The following CTDP1 variants were observed in gnomAD, a reference collection of about 807,000 sequenced individuals.
CTDP1 encodes the protein CTD phosphatase 1, also known as RNA polymerase II subunit A C-terminal domain phosphatase.
Under a neutral mutation model 91.8 loss-of-function variants are expected in CTDP1, and 47 were observed. That is an observed-to-expected ratio of 0.51 (90% CI 0.41 to 0.65). The LOEUF is 0.65. Ranked by LOEUF, CTDP1 falls within the 30% of genes least tolerant of loss-of-function variation. The pLI, the probability that CTDP1 is intolerant of heterozygous loss-of-function variation, is 0.00. For synonymous variants in CTDP1, 656 were observed against 598.5 expected (o/e 1.10, Z -1.40); for missense variants, 1,272 against 1,373.7 (o/e 0.93, Z 1.17).
chr18:79,751,788 GC>G (rs1220478784), intron 12 of CTDP1, among the ~76,000 whole-genome samples: 1 of 152,144 alleles, frequency 6.6e-6, no homozygotes, highest in Non-Finnish European at 1.5e-5. Context: ...TGTGTGTGTG[GC>G]TGTATCACAC....
intron 12 of CTDP1, among the ~76,000 whole-genome samples, chr18:79,738,135 C>T (rs1330512703): frequency 3.9e-5 from 6 of 152,012 alleles, no homozygotes; most frequent in Admixed American, 3.3e-4. Flanking sequence ...CCTGAGAAAG[C>T]GTCTGTCCTG....
chr18:79,677,079 G>T (rs1186799558), upstream of CTDP1, among the ~76,000 whole-genome samples: 1 of 152,202 alleles, frequency 6.6e-6, no homozygotes, highest in African/African-American at 2.4e-5. Flanking sequence ...CCATTTTACA[G>T]AATTATTTTT....
chr18:79,718,083 T>C, intron 10 of CTDP1, 67 bp downstream of exon 10: 2 of 1,575,220 alleles, frequency 1.3e-6, no homozygotes, highest in Non-Finnish European at 1.7e-6. Context: ...TCCAGTCTGT[T>C]GGGGGGATGG....
intron 11 of CTDP1, 21 bp downstream of exon 11, chr18:79,729,090 G>T: frequency 6.2e-7 from 1 of 1,612,036 alleles, no homozygotes; most frequent in Non-Finnish European, 8.5e-7. Flanking sequence ...CCCACGCCCC[G>T]GTGCCCGCGC....
rs574485384 is a variant in CTDP1, at chr18:79,717,752, CA to C, written c.2211-57del. The C allele has an allele frequency of 9.8e-5, 158 of 1,613,718 alleles. 1 individual carries two copies. The African/African-American group carries it at 2.0e-3, about 21-fold the overall frequency. On this transcript the variant is annotated intron_variant, in intron 9 of 12. Transcript: ENST00000613122. Reference sequence around the variant, plus strand: ...ACAGCTGTTGGTTCATGCACCTGGGCAGTGCCCCTCATCACCCGGACGCCCC... The same window carrying C: ...ACAGCTGTTGGTTCATGCACCTGGGCGTGCCCCTCATCACCCGGACGCCCC...
intron 1 of CTDP1, among the ~76,000 whole-genome samples, chr18:79,681,272 T>A (rs2122336499): frequency 6.6e-6 from 1 of 152,306 alleles, no homozygotes; most frequent in Admixed American, 6.5e-5. Context: ...TCCTTGACCC[T>A]CGGCACGGGC....
chr18:79,695,789 C>G (rs775702900), intron 2 of CTDP1, among the ~76,000 whole-genome samples, 188 bp from the exon 3 acceptor site: 2 of 152,216 alleles, frequency 1.3e-5, no homozygotes, highest in Non-Finnish European at 2.9e-5. Flanking sequence ...TGGCCACGAG[C>G]TCAGTGTTTC....
At chr18:79,743,459 G>A (rs1300279594) in intron 12 of CTDP1, among the ~76,000 whole-genome samples, 1 of 150,568 alleles carries the variant, frequency 6.6e-6, no homozygotes, top group Non-Finnish European at 1.5e-5. Flanking sequence ...CCAGGAGGTG[G>A]AGGTTGCGGT....
intron 12 of CTDP1, among the ~76,000 whole-genome samples, chr18:79,741,317 G>A (rs571096): frequency 0.39 from 59,442 of 152,124 alleles, 13,997 homozygotes; most frequent in Admixed American, 0.51. Context: ...TTTGGTGGCC[G>A]GAGGTGAATC....
At position 79,710,340 on chromosome 18, in the gene CTDP1, T is replaced by A. The variant is rs768763234; in HGVS notation, c.773-6T>A. On this transcript the variant is annotated splice_polypyrimidine_tract_variant and splice_region_variant and intron_variant, in intron 5 of 12. Coordinates refer to ENST00000613122, the MANE Select transcript of CTDP1 (RefSeq NM_004715.5). The stretch of plus-strand genomic sequence containing the variant: ...ATGTAATCTTTGTCCTGTTTTCTTT[T>A]CCAAGGCTTTTTAGACCCCGAGAAG... 7 of 1,612,426 alleles carry A rather than the reference T, an allele frequency of 4.3e-6. No individual in the cohort carries two copies. In the South Asian group the frequency reaches 7.7e-5, roughly 18 times the overall value.
chr18:79,725,718 C>G (rs1264243011), intron 10 of CTDP1, among the ~76,000 whole-genome samples: 1 of 152,082 alleles, frequency 6.6e-6, no homozygotes, highest in African/African-American at 2.4e-5. Flanking sequence ...CCCGACCTGA[C>G]CTGGAGTGTC....
At chr18:79,730,912 G>A (rs550302606) in intron 11 of CTDP1, among the ~76,000 whole-genome samples, 32 of 152,348 alleles carry the variant, frequency 2.1e-4, no homozygotes, top group Middle Eastern at 3.4e-3. Flanking sequence ...GAGCCGTGGC[G>A]CCTGGTTATT....
At chr18:79,730,819 G>T (rs1469116305) in intron 11 of CTDP1, among the ~76,000 whole-genome samples, 1 of 152,262 alleles carries the variant, frequency 6.6e-6, no homozygotes, top group African/African-American at 2.4e-5. Context: ...GATTCTCCCA[G>T]TGGACACCTG....
rs768834830 is a variant in CTDP1, at chr18:79,695,277, C to T, written c.367C>T (p.Leu123=). The T allele has an allele frequency of 1.2e-6, 2 of 1,614,140 alleles. No homozygotes were observed. Among genetic ancestry groups the T allele is most frequent in the South Asian group, 1.1e-5 (1 of 91,080 alleles). Residue 123 remains leucine, a synonymous_variant, in exon 2 of 13, where the codon CTG becomes TTG. Coordinates refer to ENST00000613122, the MANE Select transcript of CTDP1 (RefSeq NM_004715.5). ...CAGCCACCCGGTTGTCATGAAAGGC[C>T]TGTGTGCTGAATGTGGCCAAGACCT... ...GCSHPVVMKG[L]CAECGQDLTQ...
chr18:79,716,174 A>AT (rs1320479362), intron 8 of CTDP1, among the ~76,000 whole-genome samples: 4 of 152,336 alleles, frequency 2.6e-5, no homozygotes, highest in African/African-American at 9.6e-5. Flanking sequence ...TTTTCCGCGA[A>AT]TGAAGATTGC....
chr18:79,680,241 G>C lies in CTDP1; in HGVS notation c.294G>C (p.Pro98=), dbSNP rs187756055. The part of the protein sequence containing the change: ...AGVVRELCAQ[P]GQVVAPGAVL... ...TGGTGCGGGAGCTGTGCGCGCAGCCGGGCCAGGTGGTCGCCCCAGGGTGAG... is the reference window on the plus strand; with the variant it reads ...TGGTGCGGGAGCTGTGCGCGCAGCCCGGCCAGGTGGTCGCCCCAGGGTGAG... Residue 98 remains proline (P), a synonymous_variant, in exon 1 of 13, where the codon CCG becomes CCC. Transcript: ENST00000613122. The C allele has an allele frequency of 3.1e-6, 4 of 1,306,026 alleles. No homozygotes were observed. Among genetic ancestry groups the C allele is most frequent in the Non-Finnish European group, 3.9e-6 (4 of 1,032,224 alleles). 80.9% of individuals were successfully genotyped at this position (1,306,026 alleles called of 1,614,324 possible).
At chr18:79,692,225 G>A (rs578013902) in intron 1 of CTDP1, among the ~76,000 whole-genome samples, 4 of 152,140 alleles carry the variant, frequency 2.6e-5, no homozygotes, top group South Asian at 4.1e-4. Flanking sequence ...CTCTGCAGGC[G>A]TTTGTCAGCC....
intron 6 of CTDP1, among the ~76,000 whole-genome samples, chr18:79,710,701 T>C (rs2086064473): frequency 7.2e-6 from 1 of 138,260 alleles, no homozygotes; most frequent in Non-Finnish European, 1.6e-5. Context: ...TTTTTTTTTT[T>C]TTTTTTTTTT....
At chr18:79,694,716 A>G (rs1389857590) in intron 1 of CTDP1, among the ~76,000 whole-genome samples, 2 of 152,218 alleles carry the variant, frequency 1.3e-5, no homozygotes, top group Non-Finnish European at 2.9e-5. Context: ...CACTTCTTCC[A>G]TGGCTTCTGC....
Sources: gnomAD v4.1 joint callset for allele counts (sites outside exome capture counted in the v4.1 genomes callset) on GRCh38, gnomAD v4.1.1 for gene constraint, MANE v1.5 for transcripts, NCBI Gene and HGNC (gene_info 2026-07-23, HGNC 2026-07-21) for gene names.